The following SPATA6 variants were observed in gnomAD, a reference collection of about 807,000 sequenced individuals.
The protein encoded by SPATA6 is spermatogenesis-associated protein 6.
A neutral mutation model predicts 65.3 loss-of-function variants in SPATA6; 56 were observed. The observed-to-expected ratio is 0.86, with a 90% CI of 0.69 to 1.07. SPATA6 has a LOEUF of 1.07. Among genes scored for constraint, SPATA6 ranks in the 50% least tolerant of loss-of-function variants. The probability of loss-of-function intolerance (pLI) is 0.00; values close to 1 mark genes in which losing one functional copy is unlikely to be tolerated. For missense variants in SPATA6, 590 were observed against 594.8 expected (o/e 0.99, Z 0.08); for synonymous variants, 199 against 213.2 (o/e 0.93, Z 0.58).
chr1:48,378,557 G>A (rs1473754175), intron 9 of SPATA6, among the ~76,000 whole-genome samples: 3 of 152,152 alleles, frequency 2.0e-5, no homozygotes, highest in Admixed American at 1.3e-4. Context: ...ATGGTGGGAG[G>A]TGAAAGGCAC....
At chr1:48,366,970 T>C (rs1442645471) in intron 9 of SPATA6, among the ~76,000 whole-genome samples, 1 of 152,236 alleles carries the variant, frequency 6.6e-6, no homozygotes, top group Non-Finnish European at 1.5e-5. Flanking sequence ...GCTTTGAATA[T>C]GTCCCAGAGA....
intron 11 of SPATA6, among the ~76,000 whole-genome samples, chr1:48,327,151 T>TA (rs1378979373): frequency 6.6e-6 from 1 of 151,214 alleles, no homozygotes; most frequent in Non-Finnish European, 1.5e-5. Flanking sequence ...CCACACACAC[T>TA]AAAAAAAGAA....
chr1:48,392,628 A>T (rs144225338), intron 8 of SPATA6, among the ~76,000 whole-genome samples: 2,232 of 152,220 alleles, frequency 0.015, 21 homozygotes, highest in Non-Finnish European at 0.024. Flanking sequence ...ACTTCTCTAA[A>T]CCGCTGCCAT....
At chr1:48,369,041 G>A (rs545109727) in intron 9 of SPATA6, among the ~76,000 whole-genome samples, 12 of 152,310 alleles carry the variant, frequency 7.9e-5, no homozygotes, top group African/African-American at 2.9e-4. Flanking sequence ...AGGTCTGTTG[G>A]AGTTTGCTAG....
At chr1:48,447,773 G>T (rs1489269962) in intron 3 of SPATA6, among the ~76,000 whole-genome samples, 1 of 152,000 alleles carries the variant, frequency 6.6e-6, no homozygotes, top group Non-Finnish European at 1.5e-5. Flanking sequence ...CAAATATTTG[G>T]AAATAAGTTA....
chr1:48,326,662 CA>C (rs1385849599), intron 11 of SPATA6, among the ~76,000 whole-genome samples: 3 of 151,800 alleles, frequency 2.0e-5, no homozygotes, highest in African/African-American at 4.8e-5. Flanking sequence ...AGAAGAAAAA[CA>C]GACACATAAT....
At chr1:48,358,911 C>T (rs140730933) in intron 10 of SPATA6, among the ~76,000 whole-genome samples, 4 of 152,266 alleles carry the variant, frequency 2.6e-5, no homozygotes, top group South Asian at 2.1e-4. Context: ...TCCAAACTAA[C>T]ACACTGTTGT....
At chr1:48,330,760 C>A (rs1396956938) in intron 11 of SPATA6, among the ~76,000 whole-genome samples, 1 of 152,222 alleles carries the variant, frequency 6.6e-6, no homozygotes, top group African/African-American at 2.4e-5. Flanking sequence ...CAGGCAATAC[C>A]CAGTAAGAGT....
At chr1:48,316,746 AC>A (rs1213760255) in intron 11 of SPATA6, among the ~76,000 whole-genome samples, 1 of 152,198 alleles carries the variant, frequency 6.6e-6, no homozygotes, top group Non-Finnish European at 1.5e-5. Flanking sequence ...TGAACAGGCA[AC>A]CCACAGAATG....
At chr1:48,317,991 G>A (rs1258326216) in intron 11 of SPATA6, among the ~76,000 whole-genome samples, 1 of 152,106 alleles carries the variant, frequency 6.6e-6, no homozygotes, top group Admixed American at 6.6e-5. Flanking sequence ...AAGAATGCAA[G>A]GTTGACTCAT....
intron 11 of SPATA6, among the ~76,000 whole-genome samples, chr1:48,333,655 A>G (rs1645977907): frequency 6.6e-6 from 1 of 152,224 alleles, no homozygotes; most frequent in South Asian, 2.1e-4. Flanking sequence ...CAGTGTTAAG[A>G]GGGAAATTTA....
At chr1:48,465,420 A>G (rs1192256129) in intron 1 of SPATA6, among the ~76,000 whole-genome samples, 1 of 152,148 alleles carries the variant, frequency 6.6e-6, no homozygotes, top group Non-Finnish European at 1.5e-5. Flanking sequence ...CTAGGAAACT[A>G]ACCGGATACC....
At chr1:48,360,200 G>GA (rs1000041328) in intron 9 of SPATA6, among the ~76,000 whole-genome samples, 7 of 152,038 alleles carry the variant, frequency 4.6e-5, no homozygotes, top group African/African-American at 1.4e-4. Flanking sequence ...GAACAAATCA[G>GA]AAAAGACAAA....
intron 5 of SPATA6, among the ~76,000 whole-genome samples, chr1:48,405,156 C>T (rs868811983): frequency 6.6e-6 from 1 of 152,202 alleles, no homozygotes; most frequent in African/African-American, 2.4e-5. Context: ...AAATATAACA[C>T]TGTCAATCTT....
intron 3 of SPATA6, among the ~76,000 whole-genome samples, chr1:48,440,738 T>G (rs968624659): frequency 6.6e-6 from 1 of 152,170 alleles, no homozygotes; most frequent in African/African-American, 2.4e-5. Context: ...CCAACTCACT[T>G]GAGGATCAAC....
In SPATA6 at chr1:48,295,388, GATT is replaced by G. The variant is rs1400998191; in HGVS notation, c.*3322_*3324del. The G allele has an allele frequency of 9.9e-5, 15 of 152,268 alleles. No homozygotes were observed. In the East Asian group the frequency reaches 2.9e-3, roughly 29 times the overall value. The allele number at this position is 152,268 out of a possible 1,614,324, so 9.4% of individuals were successfully genotyped here. ...CAAAATGTGGTATATTCATATGATGGATTATTATTTAGTAATAAAAAGGAATGA... is the reference window on the plus strand; with the variant it reads ...CAAAATGTGGTATATTCATATGATGGATTATTTAGTAATAAAAAGGAATGA... On this transcript the variant is annotated 3_prime_UTR_variant, in exon 13 of 13. Coordinates refer to ENST00000371847, the MANE Select transcript of SPATA6 (RefSeq NM_019073.4).
At chr1:48,267,553 G>A in the SPATA6 span, among the ~76,000 whole-genome samples, 12 of 152,014 alleles carry the variant, frequency 7.9e-5, no homozygotes, top group East Asian at 1.6e-3. Flanking sequence ...GAAGTTGGCC[G>A]CCCAGCAGCT....
intron 3 of SPATA6, among the ~76,000 whole-genome samples, chr1:48,416,289 A>G (rs1652776220): frequency 6.6e-6 from 1 of 152,152 alleles, no homozygotes; most frequent in African/African-American, 2.4e-5. Flanking sequence ...TAAGAAATAC[A>G]TCTGACTTGT....
chr1:48,349,153 T>G (rs1646448761), intron 11 of SPATA6, among the ~76,000 whole-genome samples: 1 of 152,008 alleles, frequency 6.6e-6, no homozygotes, highest in African/African-American at 2.4e-5. Flanking sequence ...TACATTTTAG[T>G]GCACAATGAT....
Sources: gnomAD v4.1 joint callset for allele counts (sites outside exome capture counted in the v4.1 genomes callset) on GRCh38, gnomAD v4.1.1 for gene constraint, MANE v1.5 for transcripts, NCBI Gene and HGNC (gene_info 2026-07-23, HGNC 2026-07-21) for gene names.